SFXN1: variants seen among roughly 807,000 people sequenced by gnomAD.
The protein encoded by SFXN1 is sideroflexin 1, also known as sideroflexin-1.
A neutral mutation model predicts 39.5 loss-of-function variants in SFXN1; 32 were observed. That is an observed-to-expected ratio of 0.81 (90% CI 0.61 to 1.09). The LOEUF (loss-of-function observed/expected upper bound fraction) is 1.09. Among genes scored for constraint, SFXN1 ranks in the 50% least tolerant of loss-of-function variants. SFXN1 has a pLI of 0.00. For synonymous variants in SFXN1, 136 were observed against 146.5 expected (o/e 0.93, Z 0.52); for missense variants, 402 against 407.1 (o/e 0.99, Z 0.11).
intron 2 of SFXN1, among the ~76,000 whole-genome samples, chr5:175,504,397 A>G (rs1760208607): frequency 6.6e-6 from 1 of 151,568 alleles, no homozygotes. Context: ...CAACATGGTG[A>G]AACCCCGTCT....
At chr5:175,488,305 C>CTT (rs541900398) in intron 1 of SFXN1, among the ~76,000 whole-genome samples, 3,630 of 143,240 alleles carry the variant, frequency 0.025, 164 homozygotes, top group African/African-American at 0.089. Context: ...AGATGCATTT[C>CTT]TTTTTTTTTT....
At chr5:175,520,235 A>G (rs1445138736) in intron 8 of SFXN1, among the ~76,000 whole-genome samples, 1 of 152,036 alleles carries the variant, frequency 6.6e-6, no homozygotes, top group Non-Finnish European at 1.5e-5. Flanking sequence ...ACACATATAT[A>G]TATTTATGTA....
rs994406209 is a variant in SFXN1 at position 175,528,013 on chromosome 5, G to A, written c.*1279G>A. ...CGGCTCACTGCAAGCTCCGCCTCCC[G>A]GGTTCACGCCGTTCTCCTGCCTCAG... On this transcript the variant is annotated 3_prime_UTR_variant, in exon 11 of 11. Transcript: ENST00000321442. 6.8e-6 allele frequency: 1 copy of A among 146,764 alleles called. No individual in the cohort carries two copies. Among genetic ancestry groups the A allele is most frequent in the African/African-American group, 2.6e-5 (1 of 38,740 alleles). The allele number at this position is 146,764 out of a possible 1,614,324, so 9.1% of individuals were successfully genotyped here. A position where few individuals can be genotyped will look rare whatever the true frequency, so the allele number is the denominator to read the frequency against.
At chr5:175,486,629 C>G (rs931120182) in intron 1 of SFXN1, among the ~76,000 whole-genome samples, 1 of 152,056 alleles carries the variant, frequency 6.6e-6, no homozygotes, top group Non-Finnish European at 1.5e-5. Flanking sequence ...AAAACAGAAA[C>G]TAGCTGGACA....
rs1761110963 is a variant in SFXN1, at chr5:175,527,795, G to C, written c.*1061G>C. 6.6e-6 allele frequency: 1 copy of C among 151,958 alleles called. No homozygotes were observed. The highest frequency in any genetic ancestry group is 6.6e-5 in the Admixed American group (1 of 15,250). 9.4% of individuals were successfully genotyped at this position (151,958 alleles called of 1,614,324 possible). On this transcript the variant is annotated 3_prime_UTR_variant, in exon 11 of 11. Transcript: ENST00000321442. ...TTACATCATCTGTAGTGATTTCATA[G>C]ATAATATATTTAATATGACAGATTA... is the stretch of plus-strand genomic sequence containing the variant.
At chr5:175,499,460 A>G (rs563364046) in intron 2 of SFXN1, among the ~76,000 whole-genome samples, 2 of 152,342 alleles carry the variant, frequency 1.3e-5, no homozygotes, top group South Asian at 4.1e-4. Flanking sequence ...GGAAAGGGCA[A>G]TACCCAAAAT....
chr5:175,504,063 G>A (rs1194183073), intron 2 of SFXN1, among the ~76,000 whole-genome samples: 1 of 151,570 alleles, frequency 6.6e-6, no homozygotes, highest in East Asian at 1.9e-4. Flanking sequence ...AGGGGGGTGG[G>A]GGAAGGGAGA....
Position 175,524,878 on chromosome 5 carries a change from A to G in SFXN1, c.873-1760A>G, listed in dbSNP as rs563900330. Among the ~76,000 whole-genome samples, 6 of 152,350 alleles carry G rather than the reference A, an allele frequency of 3.9e-5. No homozygotes were observed. In the East Asian group the frequency reaches 9.6e-4, roughly 24 times the overall value. ...AGTGATTAAAAATAATACCAACATT[A>G]TACCAACAGATTTGAAAACAAGCAA... On this transcript the variant is annotated intron_variant, in intron 10 of 10. Coordinates refer to ENST00000321442, the MANE Select transcript of SFXN1 (RefSeq NM_022754.7).
intron 8 of SFXN1, among the ~76,000 whole-genome samples, chr5:175,521,339 C>T (rs534457924): frequency 1.1e-4 from 17 of 150,910 alleles, no homozygotes; most frequent in African/African-American, 3.2e-4. Flanking sequence ...CCAAGAAAGA[C>T]GAGGTGTAAA....
chr5:175,516,807 G>C (rs963845247), intron 8 of SFXN1, 144 bp downstream of exon 8: 3 of 749,248 alleles, frequency 4.0e-6, no homozygotes, highest in Non-Finnish European at 6.2e-6. Context: ...GATGTTCCCA[G>C]GAAGATTTTA....
In SFXN1 at chr5:175,492,353, T is replaced by G. The variant is rs536738164; in HGVS notation, c.164+86T>G. 1,047 of 1,223,320 alleles carry G rather than the reference T, an allele frequency of 8.6e-4. 5 individuals are homozygous for G. In the South Asian group the frequency reaches 9.3e-3, roughly 11 times the overall value. The allele number at this position is 1,223,320 out of a possible 1,614,324, so 75.8% of individuals were successfully genotyped here. A position where few individuals can be genotyped will look rare whatever the true frequency, so the allele number is the denominator to read the frequency against. ...TCTTTAAACCTTCACTTAGTGATTT[T>G]ACAACTTTTTTTTTTGCAATGGAAT... On this transcript the variant is annotated intron_variant, in intron 2 of 10. Transcript: ENST00000321442.
At position 175,511,480 on chromosome 5, in the gene SFXN1, C is replaced by T. The variant is rs942163032; in HGVS notation, c.464C>T (p.Thr155Ile). 6 of 1,614,030 alleles carry T rather than the reference C, an allele frequency of 3.7e-6. No individual in the cohort carries two copies. The highest frequency in any genetic ancestry group is 2.7e-5 in the African/African-American group (2 of 74,926). The change falls in exon 5 of 11, where the codon ACA becomes ATA. Residue 155 changes from threonine to isoleucine, a missense_variant. Physicochemically the swap from Thr to Ile is moderately conservative, Grantham distance 89. Transcript: ENST00000321442. ...NELGTAYVSA[T>I]TGAVATALGL... ...TTGGGAACAGCTTACGTTTCTGCAA[C>T]AACTGGTGCCGTAGCAACAGCTCTA...
chr5:175,522,017 A>G (rs781539237), intron 9 of SFXN1, 49 bp downstream of exon 9: 4 of 1,483,118 alleles, frequency 2.7e-6, no homozygotes, highest in Non-Finnish European at 2.8e-6. Flanking sequence ...AAATATAAAT[A>G]CACAGCGTAT....
At chr5:175,522,466 T>TA (rs763420212) in intron 10 of SFXN1, 44 bp downstream of exon 10, 2 of 1,578,962 alleles carry the variant, frequency 1.3e-6, no homozygotes, top group African/African-American at 2.7e-5. Context: ...GTATTAATCC[T>TA]AAAAACCAAT....
At chr5:175,498,282 A>G (rs570212972) in intron 2 of SFXN1, among the ~76,000 whole-genome samples, 14 of 152,334 alleles carry the variant, frequency 9.2e-5, no homozygotes, top group African/African-American at 2.6e-4. Context: ...AAACCCTGCA[A>G]GGTACTTCCT....
chr5:175,518,772 A>C (rs1056493682), intron 8 of SFXN1, among the ~76,000 whole-genome samples: 2 of 152,230 alleles, frequency 1.3e-5, no homozygotes, highest in African/African-American at 4.8e-5. Flanking sequence ...GATTCATAGA[A>C]TCTAATGTAA....
intron 9 of SFXN1, 60 bp from the exon 10 acceptor site, chr5:175,522,315 A>G: frequency 6.7e-7 from 1 of 1,498,788 alleles, no homozygotes; most frequent in Non-Finnish European, 9.0e-7. Context: ...GTAAAATAGA[A>G]AAATAAGCTG....
chr5:175,519,796 T>C (rs1019041049), intron 8 of SFXN1, among the ~76,000 whole-genome samples: 1 of 151,504 alleles, frequency 6.6e-6, no homozygotes. Context: ...CAGTTGTATG[T>C]CAATAAAGCT....
In SFXN1 at chr5:175,512,066, T is replaced by C. The variant is rs1359609013; in HGVS notation, c.511-45T>C. 3.9e-6 allele frequency: 6 copies of C among 1,538,216 alleles called. No individual in the cohort carries two copies. The African/African-American group carries it at 5.5e-5, about 14-fold the overall frequency. On this transcript the variant is annotated intron_variant, in intron 5 of 10. Coordinates refer to ENST00000321442, the MANE Select transcript of SFXN1 (RefSeq NM_022754.7). ...GAAATAAGTTATTTCCATTTACTAG[T>C]ACAGGAAAAATAAGATAAAGCTCTT... is the stretch of plus-strand genomic sequence containing the variant.
Sources: allele counts gnomAD v4.1 joint callset (sites outside exome capture counted in the v4.1 genomes callset), GRCh38; gene constraint gnomAD v4.1.1; transcripts MANE v1.5; gene names NCBI Gene and HGNC (gene_info 2026-07-23, HGNC 2026-07-21).